The following ECPAS variants were observed in gnomAD, a reference collection of about 807,000 sequenced individuals.
ECPAS encodes the protein Ecm29 proteasome adaptor and scaffold.
A neutral mutation model predicts 255.1 loss-of-function variants in ECPAS; 70 were observed. The ratio of observed to expected loss-of-function variants is 0.27; its 90% CI spans 0.23 to 0.33. The LOEUF is 0.33. Ranked by LOEUF, ECPAS falls within the 10% of genes least tolerant of loss-of-function variation. The pLI is 1.00. For synonymous variants in ECPAS, 784 were observed against 775.0 expected (o/e 1.01, Z -0.19); for missense variants, 1,817 against 2,206.4 (o/e 0.82, Z 3.54).
chr9:111,405,467 C>T (rs1332398789), intron 24 of ECPAS, among the ~76,000 whole-genome samples: 2 of 149,496 alleles, frequency 1.3e-5, no homozygotes, highest in Non-Finnish European at 2.9e-5. Flanking sequence ...ACTGGAGAAA[C>T]ACTTCAGGAT....
chr9:111,476,139 C>G (rs971412515), intron 1 of ECPAS, among the ~76,000 whole-genome samples: 1 of 152,210 alleles, frequency 6.6e-6, no homozygotes, highest in African/African-American at 2.4e-5. Flanking sequence ...ATAGTGCATC[C>G]TTCAAGATTA....
chr9:111,412,704 A>AT (rs2098196562), intron 20 of ECPAS, among the ~76,000 whole-genome samples: 1 of 152,232 alleles, frequency 6.6e-6, no homozygotes, highest in South Asian at 2.1e-4. Context: ...TCAAAGTTCA[A>AT]TAAAATCATT....
chr9:111,457,812 TA>T (rs1281431252), intron 2 of ECPAS, among the ~76,000 whole-genome samples: 1 of 152,192 alleles, frequency 6.6e-6, no homozygotes, highest in East Asian at 1.9e-4. Context: ...AAATAAAAAA[TA>T]AATCTCCTAT....
In ECPAS at chr9:111,410,150, A is replaced by G. The variant is rs2131716084; in HGVS notation, c.2441T>C (p.Ile814Thr). The change falls in exon 23 of 50, where the codon ATT becomes ACT. Residue 814 changes from isoleucine to threonine, a missense_variant. This residue lies in a region of ECPAS where 194 missense variants were observed against 152.8 expected (regional missense o/e 1.27). Coordinates refer to ENST00000684092, the MANE Select transcript of ECPAS (RefSeq NM_001364929.1). ...GATTGGAAGTGGACCATTTCTGCCA[A>G]TTTCACCCAGGGCTGTGCAGGCAGC... The part of the protein sequence containing the change: ...AIAACTALGE[I>T]GRNGPLPIPS... 2 of 1,612,870 alleles carry G rather than the reference A, an allele frequency of 1.2e-6. No homozygotes were observed. Among genetic ancestry groups the G allele is most frequent in the African/African-American group, 1.3e-5 (1 of 75,038 alleles).
At chr9:111,378,202 C>T (rs12552863) in intron 36 of ECPAS, among the ~76,000 whole-genome samples, 29,403 of 151,968 alleles carry the variant, frequency 0.19, 2,957 homozygotes, top group East Asian at 0.33. Flanking sequence ...GACCAGGTGA[C>T]TCCATTACAC....
chr9:111,414,103 T>C (rs1371156469), intron 19 of ECPAS, 117 bp from the exon 20 acceptor site: 4 of 539,560 alleles, frequency 7.4e-6, no homozygotes, highest in Non-Finnish European at 6.1e-6. Context: ...TCGGTTCTAT[T>C]AAAAAAAAAA....
chr9:111,408,407 A>G (rs2098188541), intron 24 of ECPAS, among the ~76,000 whole-genome samples, 164 bp downstream of exon 24: 1 of 152,140 alleles, frequency 6.6e-6, no homozygotes, highest in African/African-American at 2.4e-5. Context: ...TCAATGCTAT[A>G]CCTAGCACAG....
intron 1 of ECPAS, chr9:111,483,470 G>C (rs1258120524): frequency 2.1e-6 from 2 of 973,708 alleles, no homozygotes; most frequent in African/African-American, 1.8e-5. Context: ...CGCCCGTTCC[G>C]GCTCGCGGCC....
chr9:111,472,844 TA>T (rs1459901460), intron 2 of ECPAS, 52 bp downstream of exon 2: 1 of 586,856 alleles, frequency 1.7e-6, no homozygotes, highest in African/African-American at 2.0e-5. Flanking sequence ...TATGCATTTT[TA>T]AATGCTGCTA....
intron 19 of ECPAS, 135 bp downstream of exon 19, chr9:111,414,294 G>T: frequency 1.3e-6 from 1 of 769,400 alleles, no homozygotes. Context: ...AATCAGGTAA[G>T]TTTAAAAAGA....
rs113821601 is a variant in ECPAS, at chr9:111,421,626, G to A, written c.1455+295C>T. 8.6e-5 allele frequency among the ~76,000 whole-genome samples: 13 copies of A among 152,012 alleles called. 1 individual carries two copies. Among genetic ancestry groups the A allele is most frequent in the African/African-American group, 2.7e-4 (11 of 41,474 alleles). On this transcript the variant is annotated intron_variant, in intron 15 of 49. Coordinates refer to ENST00000684092, the MANE Select transcript of ECPAS (RefSeq NM_001364929.1). ...GTTACCTATCAAACTCTACCCCAGC[G>A]GACAGTAGTGCTCAGCTACCAGTTA...
chr9:111,484,340 C>G lies in ECPAS; in HGVS notation c.-307G>C, dbSNP rs768617201. 1.4e-4 allele frequency: 227 copies of G among 1,607,272 alleles called. 1 individual carries two copies. The highest frequency in any genetic ancestry group is 1.7e-4 in the Non-Finnish European group (205 of 1,177,872). On this transcript the variant is annotated 5_prime_UTR_variant, in exon 1 of 50. Coordinates refer to ENST00000684092, the MANE Select transcript of ECPAS (RefSeq NM_001364929.1). ...CTGCGGCTGTCACGTTGGCTGGGCC[C>G]GACCTGGGGAAACACGCCTGTCCAA... is the stretch of plus-strand genomic sequence containing the variant.
intron 2 of ECPAS, among the ~76,000 whole-genome samples, chr9:111,466,890 G>A (rs115354375): frequency 0.011 from 1,706 of 152,248 alleles, 23 homozygotes; most frequent in African/African-American, 0.039. Flanking sequence ...GATTACAGGC[G>A]TGAGCCACCA....
At chr9:111,378,397 T>C (rs1274459722) in intron 36 of ECPAS, among the ~76,000 whole-genome samples, 183 bp downstream of exon 36, 1 of 152,200 alleles carries the variant, frequency 6.6e-6, no homozygotes, top group Non-Finnish European at 1.5e-5. Flanking sequence ...TCAGTTTTCA[T>C]CCAATTCACA....
chr9:111,371,294 C>T (rs537127880), intron 43 of ECPAS, among the ~76,000 whole-genome samples: 1 of 152,292 alleles, frequency 6.6e-6, no homozygotes, highest in South Asian at 2.1e-4. Flanking sequence ...CAATCCTGAT[C>T]TTTCTATGCC....
chr9:111,457,012 A>G (rs145267033), intron 2 of ECPAS, among the ~76,000 whole-genome samples: 2 of 152,356 alleles, frequency 1.3e-5, no homozygotes, highest in Non-Finnish European at 2.9e-5. Flanking sequence ...AAAAATAAAA[A>G]GAAAACGTGG....
chr9:111,436,879 G>C, intron 7 of ECPAS, 61 bp downstream of exon 7: 1 of 1,400,000 alleles, frequency 7.1e-7, no homozygotes, highest in Non-Finnish European at 9.7e-7. Context: ...TACGGTTCAT[G>C]AACTTCATAG....
intron 3 of ECPAS, among the ~76,000 whole-genome samples, chr9:111,448,048 C>A (rs1013919618): frequency 6.6e-6 from 1 of 151,838 alleles, no homozygotes; most frequent in Non-Finnish European, 1.5e-5. Context: ...GTTCCCAACC[C>A]AAAGGAAAAA....
rs1369184869 is a variant in ECPAS at position 111,411,133 on chromosome 9, T to A, written c.2224A>T (p.Ile742Leu). ...KTTKDNHSPE[I>L]QHGSLLALGF... ...AATGCAAGCAAGGATCCATGCTGTA[T>A]CTCCGGGCTCTGAATTTAGCAAAAA... The change falls in exon 22 of 50, where the codon ATA becomes TTA. Residue 742 changes from isoleucine (I) to leucine (L), a missense_variant. Coordinates refer to ENST00000684092, the MANE Select transcript of ECPAS (RefSeq NM_001364929.1). 2 of 1,613,524 alleles carry A rather than the reference T, an allele frequency of 1.2e-6. No homozygotes were observed. The highest frequency in any genetic ancestry group is 1.7e-5 in the Admixed American group (1 of 59,942).
Sources: gnomAD v4.1 joint callset for allele counts (sites outside exome capture counted in the v4.1 genomes callset) on GRCh38, gnomAD v4.1.1 for gene constraint, gnomAD v4.1.1 regional missense constraint, MANE v1.5 for transcripts, NCBI Gene and HGNC (gene_info 2026-07-23, HGNC 2026-07-21) for gene names.